Variants in SAE1 observed in about 807,000 individuals in gnomAD.
SAE1 encodes the protein SUMO1 activating enzyme subunit 1.
A neutral mutation model predicts 40.6 loss-of-function variants in SAE1; 11 were observed. The observed-to-expected ratio is 0.27, with a 90% CI of 0.17 to 0.45. The LOEUF (loss-of-function observed/expected upper bound fraction) is 0.45, where lower values mean the gene tolerates loss of function less well. Among genes scored for constraint, SAE1 ranks in the 20% least tolerant of loss-of-function variants. The probability of loss-of-function intolerance (pLI) is 1.00; values close to 1 mark genes in which losing one functional copy is unlikely to be tolerated. For missense variants in SAE1, 373 were observed against 427.3 expected (o/e 0.87, Z 1.12); for synonymous variants, 155 against 154.3 (o/e 1.00, Z -0.03).
At chr19:47,186,376 C>T (rs1274499170) in intron 6 of SAE1, among the ~76,000 whole-genome samples, 1 of 152,182 alleles carries the variant, frequency 6.6e-6, no homozygotes, top group Admixed American at 6.5e-5. Flanking sequence ...TCAAACACTT[C>T]TGCTCCCTGA....
At chr19:47,193,557 C>T (rs1417384113) in intron 6 of SAE1, among the ~76,000 whole-genome samples, 6 of 150,714 alleles carry the variant, frequency 4.0e-5, no homozygotes, top group Non-Finnish European at 8.9e-5. Context: ...TGCTGTGGCT[C>T]ACGCCTGTAA....
chr19:47,142,992 G>A (rs2058231563), intron 1 of SAE1, among the ~76,000 whole-genome samples: 1 of 152,142 alleles, frequency 6.6e-6, no homozygotes, highest in Non-Finnish European at 1.5e-5. Flanking sequence ...AGGATGCCTG[G>A]CATAGTTGGT....
At chr19:47,144,104 C>T (rs535236164) in intron 2 of SAE1, among the ~76,000 whole-genome samples, 10 of 152,206 alleles carry the variant, frequency 6.6e-5, no homozygotes, top group South Asian at 4.1e-4. Flanking sequence ...AAGGCTGAGG[C>T]AGGCGGATCA....
At chr19:47,164,065 G>A (rs998342937) in intron 5 of SAE1, among the ~76,000 whole-genome samples, 1 of 152,164 alleles carries the variant, frequency 6.6e-6, no homozygotes, top group African/African-American at 2.4e-5. Flanking sequence ...CATTGCACCT[G>A]GCTTGTATAT....
intron 6 of SAE1, among the ~76,000 whole-genome samples, chr19:47,182,790 TA>T (rs1426314659): frequency 6.6e-6 from 1 of 152,134 alleles, no homozygotes; most frequent in Non-Finnish European, 1.5e-5. Flanking sequence ...AATTAATAGT[TA>T]CTGGTTACAG....
intron 6 of SAE1, among the ~76,000 whole-genome samples, chr19:47,171,185 G>C (rs1183722164): frequency 3.3e-5 from 5 of 151,940 alleles, no homozygotes; most frequent in Admixed American, 3.3e-4. Flanking sequence ...ATGTTGGCCA[G>C]GTTGGGCTCA....
rs200166377 is a variant in SAE1 at position 47,148,027 on chromosome 19, TG to T, written c.211-2172del. 4.3e-3 allele frequency among the ~76,000 whole-genome samples: 649 copies of T among 152,214 alleles called. 7 individuals are homozygous for T. Among genetic ancestry groups the T allele is most frequent in the African/African-American group, 0.015 (615 of 41,566 alleles). On this transcript the variant is annotated intron_variant, in intron 2 of 8. Coordinates refer to ENST00000270225, the MANE Select transcript of SAE1 (RefSeq NM_005500.3). ...TGCCTGCCTTGGCCTCCCAAAGTGC[TG>T]GGATTACAGGCGTGAGCCACCACGC...
intron 6 of SAE1, among the ~76,000 whole-genome samples, chr19:47,181,265 G>A (rs1225206220): frequency 2.6e-5 from 4 of 151,888 alleles, no homozygotes; most frequent in Admixed American, 1.3e-4. Context: ...GTGGTGAGCC[G>A]AGATCGCGCC....
intron 6 of SAE1, among the ~76,000 whole-genome samples, chr19:47,195,055 CTTT>C (rs796120464): frequency 7.4e-6 from 1 of 135,510 alleles, no homozygotes. Context: ...CCTGGCCAGT[CTTT>C]TTTTTTTTTT....
At chr19:47,160,733 G>A (rs957970388) in intron 5 of SAE1, among the ~76,000 whole-genome samples, 1 of 151,792 alleles carries the variant, frequency 6.6e-6, no homozygotes. Flanking sequence ...GTTTCACCAT[G>A]TTGACCAGGA....
At chr19:47,142,316 G>A (rs538582617) in intron 1 of SAE1, among the ~76,000 whole-genome samples, 3 of 151,708 alleles carry the variant, frequency 2.0e-5, no homozygotes, top group Non-Finnish European at 2.9e-5. Context: ...CCTGGGAGGC[G>A]GAGGTTGTAG....
Position 47,150,245 on chromosome 19 carries a change from G to T in SAE1, c.254G>T (p.Gly85Val). 1.9e-6 allele frequency: 3 copies of T among 1,613,026 alleles called. No homozygotes were observed. The highest frequency in any genetic ancestry group is 2.5e-6 in the Non-Finnish European group (3 of 1,179,772). ...DPGAQFLIRT[G>V]SVGRNRAEAS... ...GGAGCTCAGTTCTTGATTCGTACTG[G>T]GTCTGTTGGCCGAAATAGGGCTGAA... The change falls in exon 3 of 9, where the codon GGG (glycine) becomes GTG (valine). Residue 85 changes from glycine (G) to valine (V), a missense_variant. Gly to Val is a moderately radical substitution (Grantham distance 109). This residue lies in a region of SAE1 where 351 missense variants were observed against 390.6 expected (regional missense o/e 0.90). Coordinates refer to ENST00000270225, the MANE Select transcript of SAE1 (RefSeq NM_005500.3).
intron 7 of SAE1, among the ~76,000 whole-genome samples, chr19:47,202,473 A>G (rs893108339): frequency 1.2e-4 from 18 of 151,626 alleles, no homozygotes; most frequent in African/African-American, 3.9e-4. Flanking sequence ...TTTTTAGTAG[A>G]AACGGGGTTT....
rs570308063 is a variant in SAE1 at position 47,150,453 on chromosome 19, A to G, written c.384+78A>G. On this transcript the variant is annotated intron_variant, in intron 3 of 8. Coordinates refer to ENST00000270225, the MANE Select transcript of SAE1 (RefSeq NM_005500.3). ...AGTTGTATATACTTTCAAATCCCAAAGCAATCTGAGAGCATTCAAATATCA... is the reference window on the plus strand; with the variant it reads ...AGTTGTATATACTTTCAAATCCCAAGGCAATCTGAGAGCATTCAAATATCA... The G allele has an allele frequency of 5.6e-4, 638 of 1,140,552 alleles. 2 individuals carry two copies. In the African/African-American group the frequency reaches 8.9e-3, roughly 16 times the overall value. 70.7% of individuals were successfully genotyped at this position (1,140,552 alleles called of 1,614,324 possible).
chr19:47,172,210 C>T lies in SAE1; in HGVS notation c.733+2287C>T, dbSNP rs1201624065. Among the ~76,000 whole-genome samples, 5 of 152,250 alleles carry T rather than the reference C, an allele frequency of 3.3e-5. No homozygotes were observed. In the South Asian group the frequency reaches 8.3e-4, roughly 25 times the overall value. ...CTGGGATTACAGGCGTGAGCCACCA[C>T]GCTCAGCTGGATGAACTATTTGAAA... On this transcript the variant is annotated intron_variant, in intron 6 of 8. Transcript: ENST00000270225.
intron 2 of SAE1, among the ~76,000 whole-genome samples, chr19:47,149,536 C>A (rs1179799566): frequency 2.0e-5 from 3 of 152,074 alleles, no homozygotes; most frequent in Non-Finnish European, 4.4e-5. Flanking sequence ...TTGTGTATTT[C>A]CCCAAATGCT....
intron 7 of SAE1, among the ~76,000 whole-genome samples, chr19:47,201,511 A>G (rs537767859): frequency 1.3e-5 from 2 of 149,246 alleles, no homozygotes; most frequent in South Asian, 2.1e-4. Flanking sequence ...AGCTGGGACT[A>G]TAGGCACGTG....
intron 2 of SAE1, 130 bp downstream of exon 2, chr19:47,143,735 C>T (rs2058237550): frequency 3.0e-6 from 2 of 663,180 alleles, no homozygotes; most frequent in African/African-American, 1.8e-5. Context: ...TAAACCATTG[C>T]CTCTGGAGAC....
At chr19:47,131,071 G>T (rs2058138916) in intron 1 of SAE1, 43 bp downstream of exon 1, 1 of 1,491,626 alleles carries the variant, frequency 6.7e-7, no homozygotes, top group South Asian at 1.3e-5. Context: ...TCTGGAGGGG[G>T]CGTCTATTCT....
Sources: allele counts gnomAD v4.1 joint callset (sites outside exome capture counted in the v4.1 genomes callset), GRCh38; gene constraint gnomAD v4.1.1; regional missense constraint gnomAD v4.1.1; transcripts MANE v1.5; gene names NCBI Gene and HGNC (gene_info 2026-07-23, HGNC 2026-07-21).